GATAD2B: variants seen among roughly 807,000 people sequenced by gnomAD.
GATAD2B encodes transcriptional repressor p66-beta.
Under a neutral mutation model 64.3 loss-of-function variants are expected in GATAD2B, and 8 were observed. The ratio of observed to expected loss-of-function variants is 0.12; its 90% CI spans 0.07 to 0.22. The LOEUF is 0.22. Ranked by LOEUF, GATAD2B falls within the 10% of genes least tolerant of loss-of-function variation. GATAD2B has a pLI of 1.00. For missense variants in GATAD2B, 453 were observed against 752.0 expected (o/e 0.60, Z 4.65); for synonymous variants, 281 against 271.3 (o/e 1.04, Z -0.35).
intron 1 of GATAD2B, among the ~76,000 whole-genome samples, chr1:153,901,005 C>T (rs960042581): frequency 6.6e-6 from 1 of 151,810 alleles, no homozygotes; most frequent in Non-Finnish European, 1.5e-5. Context: ...CTTGAGGTCA[C>T]GAGTTCGAGA....
intron 1 of GATAD2B, among the ~76,000 whole-genome samples, chr1:153,892,070 CAGG>C (rs1422262079): frequency 6.9e-6 from 1 of 145,136 alleles, no homozygotes; most frequent in Non-Finnish European, 1.5e-5. Context: ...GAGGCTGAGG[CAGG>C]AGAATTGCTT....
intron 6 of GATAD2B, 113 bp downstream of exon 6, chr1:153,817,259 T>C (rs1196399322): frequency 5.9e-6 from 6 of 1,013,908 alleles, no homozygotes; most frequent in African/African-American, 1.6e-5. Context: ...AAATAACCAT[T>C]TTTGTCCTAG....
intron 1 of GATAD2B, chr1:153,852,864 T>C: frequency 2.6e-6 from 2 of 778,408 alleles, no homozygotes; most frequent in East Asian, 2.4e-5. Flanking sequence ...GGTACTGTCC[T>C]ACCAAGAGCT....
At chr1:153,922,621 C>T (rs912358224) in intron 1 of GATAD2B, 112 bp downstream of exon 1, 1 of 141,622 alleles carries the variant, frequency 7.1e-6, no homozygotes, top group South Asian at 2.4e-4. Context: ...CTCCACCTTT[C>T]CCTTCCCCCA....
rs528242468 is a variant in GATAD2B at position 153,843,570 on chromosome 1, C to CA, written c.-1-15223dup. Among the ~76,000 whole-genome samples, 205 of 152,104 alleles carry CA rather than the reference C, an allele frequency of 1.3e-3. 1 individual carries two copies. The highest frequency in any genetic ancestry group is 2.2e-3 in the Non-Finnish European group (151 of 68,020). ...GATTACAGGTATGAGGCACCATGCC[C>CA]AGCCTTCAATTTTTTATATTTAAAA... On this transcript the variant is annotated intron_variant, in intron 1 of 10. Transcript: ENST00000368655.
intron 1 of GATAD2B, among the ~76,000 whole-genome samples, chr1:153,849,292 G>A (rs1250324228): frequency 1.3e-5 from 2 of 152,120 alleles, no homozygotes; most frequent in Admixed American, 1.3e-4. Flanking sequence ...GCAAAGAGAG[G>A]GTGCCCTTTT....
intron 1 of GATAD2B, among the ~76,000 whole-genome samples, chr1:153,905,329 A>G (rs1677891952): frequency 6.6e-6 from 1 of 151,914 alleles, no homozygotes; most frequent in Non-Finnish European, 1.5e-5. Flanking sequence ...GTGAGCAGAG[A>G]TCACGCCACC....
In GATAD2B at chr1:153,828,243, C is replaced by T; in HGVS notation, c.105G>A (p.Glu35=). 3.1e-6 allele frequency: 5 copies of T among 1,614,192 alleles called. No individual in the cohort carries two copies. The highest frequency in any genetic ancestry group is 4.2e-6 in the Non-Finnish European group (5 of 1,180,032). The change falls in exon 2 of 11, where the codon GAG becomes GAA. Residue 35 remains glutamate (E), a synonymous_variant. Transcript: ENST00000368655. ...DDVLAKRLKM[E]GHEAMERLKM... is the part of the protein sequence containing the mutation. ...TCAGACGTTCCATGGCCTCATGCCC[C>T]TCCATTTTGAGTCGCTTTGCCAGGA...
rs1191033845 is a variant in GATAD2B, at chr1:153,809,486, C to A, written c.*691G>T. The A allele has an allele frequency of 6.6e-6, 1 of 152,440 alleles. No homozygotes were observed. The highest frequency in any genetic ancestry group is 1.5e-5 in the Non-Finnish European group (1 of 68,028). The allele number at this position is 152,440 out of a possible 1,614,324, so 9.4% of individuals were successfully genotyped here. On this transcript the variant is annotated 3_prime_UTR_variant, in exon 11 of 11. Coordinates refer to ENST00000368655, the MANE Select transcript of GATAD2B (RefSeq NM_020699.4). ...GGCTCTTTCCCCTCATTCTTAGAGCCCAACTTCAGTACCAAACACTGCCAC... is the reference window on the plus strand; with the variant it reads ...GGCTCTTTCCCCTCATTCTTAGAGCACAACTTCAGTACCAAACACTGCCAC...
intron 1 of GATAD2B, among the ~76,000 whole-genome samples, chr1:153,839,669 T>C (rs1675408084): frequency 6.6e-6 from 1 of 152,074 alleles, no homozygotes; most frequent in Non-Finnish European, 1.5e-5. Flanking sequence ...AAAAAGTAAG[T>C]TTAAAAAACT....
At chr1:153,839,191 G>A (rs1411613454) in intron 1 of GATAD2B, among the ~76,000 whole-genome samples, 11 of 147,344 alleles carry the variant, frequency 7.5e-5, no homozygotes, top group Admixed American at 6.1e-4. Context: ...AAAGAAAAAT[G>A]TCCAACTTTA....
intron 1 of GATAD2B, among the ~76,000 whole-genome samples, chr1:153,884,929 G>A (rs747571051): frequency 1.1e-4 from 16 of 151,822 alleles, no homozygotes; most frequent in Non-Finnish European, 1.9e-4. Flanking sequence ...GCTAATTTTT[G>A]TATTTTTAGT....
chr1:153,886,182 C>T (rs1299007166), intron 1 of GATAD2B, among the ~76,000 whole-genome samples: 1 of 152,166 alleles, frequency 6.6e-6, no homozygotes, highest in African/African-American at 2.4e-5. Flanking sequence ...TTTTAACATA[C>T]AGTTATGTGT....
At chr1:153,818,672 TAA>T in intron 4 of GATAD2B, 117 bp downstream of exon 4, 1 of 896,342 alleles carries the variant, frequency 1.1e-6, no homozygotes, top group Non-Finnish European at 1.7e-6. Context: ...TACTACAGAC[TAA>T]AAAACTACGG....
intron 1 of GATAD2B, among the ~76,000 whole-genome samples, chr1:153,834,349 A>G (rs919743386): frequency 6.6e-6 from 1 of 151,834 alleles, no homozygotes; most frequent in Middle Eastern, 3.4e-3. Flanking sequence ...CCTCCTGGAA[A>G]TTATTTACCA....
chr1:153,887,186 T>G (rs893006288), intron 1 of GATAD2B, among the ~76,000 whole-genome samples: 1 of 152,190 alleles, frequency 6.6e-6, no homozygotes, highest in Non-Finnish European at 1.5e-5. Context: ...ACATCAGTTC[T>G]TTGGAGATGA....
At chr1:153,886,997 CT>C (rs1362769430) in intron 1 of GATAD2B, among the ~76,000 whole-genome samples, 1 of 152,150 alleles carries the variant, frequency 6.6e-6, no homozygotes, top group Non-Finnish European at 1.5e-5. Flanking sequence ...TCTCCTACTT[CT>C]TATAGTCCTG....
chr1:153,907,637 ATT>A (rs531249482), intron 1 of GATAD2B, among the ~76,000 whole-genome samples: 31 of 141,682 alleles, frequency 2.2e-4, no homozygotes, highest in African/African-American at 1.8e-4. Context: ...AAAAGGGTAA[ATT>A]TTTTTTTTTT....
chr1:153,826,193 C>T (rs1345005269), intron 2 of GATAD2B, among the ~76,000 whole-genome samples: 3 of 151,876 alleles, frequency 2.0e-5, no homozygotes, highest in Non-Finnish European at 4.4e-5. Flanking sequence ...TTAGTAGAGA[C>T]GGGGTTTCAC....
Sources: gnomAD v4.1 joint callset for allele counts (sites outside exome capture counted in the v4.1 genomes callset) on GRCh38, gnomAD v4.1.1 for gene constraint, MANE v1.5 for transcripts, NCBI Gene and HGNC (gene_info 2026-07-23, HGNC 2026-07-21) for gene names.